The following RBMS3 variants were observed in gnomAD, a reference collection of about 807,000 sequenced individuals.
The protein encoded by RBMS3 is RNA-binding motif, single-stranded-interacting protein 3.
In RBMS3, 27 loss-of-function variants were observed where a neutral mutation model predicts 66.8. The ratio of observed to expected loss-of-function variants is 0.40; its 90% CI spans 0.30 to 0.56. The LOEUF (loss-of-function observed/expected upper bound fraction) is 0.56. RBMS3 is among the 20% of genes least tolerant of loss of function. The probability of loss-of-function intolerance (pLI) is 0.40; values close to 1 mark genes in which losing one functional copy is unlikely to be tolerated. For synonymous variants in RBMS3, 188 were observed against 183.0 expected (o/e 1.03, Z -0.22); for missense variants, 513 against 549.5 (o/e 0.93, Z 0.66).
chr3:29,485,304 A>G (rs1326271685), intron 2 of RBMS3, among the ~76,000 whole-genome samples: 7 of 152,184 alleles, frequency 4.6e-5, no homozygotes, highest in African/African-American at 1.7e-4. Flanking sequence ...CAATATATAC[A>G]TTTATAAAAT....
chr3:29,390,498 A>G (rs59703734), intron 1 of RBMS3, among the ~76,000 whole-genome samples: 3,477 of 152,242 alleles, frequency 0.023, 134 homozygotes, highest in African/African-American at 0.078. Context: ...AGAAAAATAT[A>G]CTGCCAATTA....
chr3:29,572,553 A>G (rs2149069189), intron 3 of RBMS3, among the ~76,000 whole-genome samples: 1 of 152,210 alleles, frequency 6.6e-6, no homozygotes, highest in Middle Eastern at 3.4e-3. Flanking sequence ...CATTTTGTTG[A>G]TATGTTGTAT....
chr3:29,653,640 C>A (rs139264995), intron 4 of RBMS3, among the ~76,000 whole-genome samples: 3 of 152,030 alleles, frequency 2.0e-5, no homozygotes, highest in Non-Finnish European at 4.4e-5. Context: ...CTCTTTCACA[C>A]GAATAAAACT....
intron 4 of RBMS3, among the ~76,000 whole-genome samples, chr3:29,730,190 T>G (rs1375445707): frequency 6.6e-6 from 1 of 151,934 alleles, no homozygotes; most frequent in Non-Finnish European, 1.5e-5. Context: ...TATCAAAAAT[T>G]TAAATTTAAC....
At chr3:29,617,642 G>T (rs1368234376) in intron 4 of RBMS3, among the ~76,000 whole-genome samples, 1 of 152,096 alleles carries the variant, frequency 6.6e-6, no homozygotes, top group Non-Finnish European at 1.5e-5. Context: ...GATGTTCCAG[G>T]CACTGGCAAG....
At position 29,378,213 on chromosome 3, in the gene RBMS3, C is replaced by T. The variant is rs376136514; in HGVS notation, c.76-56530C>T. On this transcript the variant is annotated intron_variant, in intron 1 of 14. Transcript: ENST00000383767. Reference sequence around the variant, plus strand: ...TCAGGCCGGGCACGGTGGCTCACGCCTGTAATCCCAGCACTTTGGGAGGCC... The same window carrying T: ...TCAGGCCGGGCACGGTGGCTCACGCTTGTAATCCCAGCACTTTGGGAGGCC... Among the ~76,000 whole-genome samples the T allele has an allele frequency of 6.0e-4, 91 of 152,270 alleles. 1 individual carries two copies. The highest frequency in any genetic ancestry group is 2.1e-3 in the African/African-American group (89 of 41,560).
intron 4 of RBMS3, among the ~76,000 whole-genome samples, chr3:29,727,764 G>A (rs549270358): frequency 3.3e-4 from 51 of 152,326 alleles, no homozygotes; most frequent in African/African-American, 1.2e-3. Context: ...TGGTGGGAGT[G>A]TAAATTAGTT....
Position 29,897,431 on chromosome 3 carries a change from T to A in RBMS3, c.844T>A (p.Ser282Thr), listed in dbSNP as rs758326781. Residue 282 changes from serine to threonine, a missense_variant, in exon 9 of 15, where the codon TCT (serine) becomes ACT (threonine). Transcript: ENST00000383767. ...AACCAACCGCATGATTCCACAGACATCTATCACGCCATTCATTGCTGCTTC... is the reference window on the plus strand; with the variant it reads ...AACCAACCGCATGATTCCACAGACAACTATCACGCCATTCATTGCTGCTTC... Reference protein sequence around the residue: ...IATNRMIPQTSITPFIAASPV... With the variant: ...IATNRMIPQTTITPFIAASPV... The A allele has an allele frequency of 1.2e-6, 2 of 1,611,188 alleles. No homozygotes were observed. The highest frequency in any genetic ancestry group is 1.7e-6 in the Non-Finnish European group (2 of 1,178,062).
chr3:29,496,070 G>T (rs1265294286), intron 3 of RBMS3, among the ~76,000 whole-genome samples: 3 of 151,552 alleles, frequency 2.0e-5, no homozygotes, highest in Non-Finnish European at 2.9e-5. Flanking sequence ...ATTTTGAGAA[G>T]AATAATCACC....
intron 6 of RBMS3, among the ~76,000 whole-genome samples, chr3:29,817,399 T>C (rs2149469111): frequency 6.6e-6 from 1 of 152,104 alleles, no homozygotes; most frequent in Non-Finnish European, 1.5e-5. Context: ...GAGACAGGTT[T>C]TTACCATGTT....
chr3:29,763,529 G>A (rs1436507958), intron 6 of RBMS3, among the ~76,000 whole-genome samples: 1 of 151,982 alleles, frequency 6.6e-6, no homozygotes, highest in Admixed American at 6.6e-5. Context: ...AGAAAATACT[G>A]TCTATTTATC....
intron 4 of RBMS3, among the ~76,000 whole-genome samples, chr3:29,732,712 A>G (rs1236420980): frequency 6.6e-6 from 1 of 152,138 alleles, no homozygotes; most frequent in Admixed American, 6.5e-5. Flanking sequence ...CCTGTTTTCA[A>G]AGTGAGAAAA....
intron 4 of RBMS3, among the ~76,000 whole-genome samples, chr3:29,652,135 A>C (rs1477708991): frequency 6.6e-6 from 1 of 152,130 alleles, no homozygotes; most frequent in Non-Finnish European, 1.5e-5. Flanking sequence ...CAATTTAGAA[A>C]TGTAGAAATT....
chr3:29,349,865 A>G (rs1008179867), intron 1 of RBMS3, among the ~76,000 whole-genome samples: 3 of 152,194 alleles, frequency 2.0e-5, no homozygotes, highest in Non-Finnish European at 4.4e-5. Flanking sequence ...ATTCATAAAA[A>G]TATAGTTGTT....
intron 4 of RBMS3, among the ~76,000 whole-genome samples, chr3:29,665,319 A>G (rs1419913416): frequency 6.6e-6 from 1 of 152,214 alleles, no homozygotes; most frequent in African/African-American, 2.4e-5. Flanking sequence ...TATACGATTG[A>G]TTTATTTAAT....
intron 6 of RBMS3, among the ~76,000 whole-genome samples, chr3:29,779,142 C>G (rs1052795757): frequency 6.6e-6 from 1 of 151,760 alleles, no homozygotes; most frequent in Non-Finnish European, 1.5e-5. Context: ...AAGCCATGAA[C>G]TTGGTTTTAA....
At chr3:29,524,602 A>ATTTTTTTTTTTT (rs1273815210) in intron 3 of RBMS3, among the ~76,000 whole-genome samples, 1 of 148,608 alleles carries the variant, frequency 6.7e-6, no homozygotes, top group Admixed American at 6.7e-5. Flanking sequence ...CAACTTTTGC[A>ATTTTTTTTTTTT]TTTTATTTAT....
At chr3:29,436,797 C>G (rs1431092051) in intron 2 of RBMS3, among the ~76,000 whole-genome samples, 1 of 152,202 alleles carries the variant, frequency 6.6e-6, no homozygotes, top group Non-Finnish European at 1.5e-5. Context: ...TTCACTAGGT[C>G]TGGGGTAGAG....
At chr3:29,441,196 G>A (rs2041607550) in intron 2 of RBMS3, among the ~76,000 whole-genome samples, 1 of 152,072 alleles carries the variant, frequency 6.6e-6, no homozygotes, top group African/African-American at 2.4e-5. Context: ...AAATGAGAGA[G>A]TGCTTTAAAG....
Sources: gnomAD v4.1 joint callset for allele counts (sites outside exome capture counted in the v4.1 genomes callset) on GRCh38, gnomAD v4.1.1 for gene constraint, MANE v1.5 for transcripts, NCBI Gene and HGNC (gene_info 2026-07-23, HGNC 2026-07-21) for gene names.